Variants in CPN1 observed in about 807,000 individuals in gnomAD.
The protein encoded by CPN1 is carboxypeptidase N subunit 1, also known as carboxypeptidase N catalytic chain.
CPN1 carries 37 observed loss-of-function variants against 46.4 expected under a neutral mutation model. That is an observed-to-expected ratio of 0.80 (90% CI 0.61 to 1.05). The LOEUF (loss-of-function observed/expected upper bound fraction) is 1.05. Among genes scored for constraint, CPN1 ranks in the 50% least tolerant of loss-of-function variants. The pLI is 0.00. For synonymous variants in CPN1, 224 were observed against 235.4 expected, an observed-to-expected ratio of 0.95 and a Z score of 0.44; for missense variants, 563 against 602.6, an observed-to-expected ratio of 0.93 and a Z score of 0.69.
intron 5 of CPN1, among the ~76,000 whole-genome samples, chr10:100,058,829 T>G (rs1484863070): frequency 6.6e-6 from 1 of 152,178 alleles, no homozygotes; most frequent in Non-Finnish European, 1.5e-5. Context: ...AATGTGGTAC[T>G]GGTGTAAAGA....
At chr10:100,069,266 G>A (rs887271851) in intron 3 of CPN1, among the ~76,000 whole-genome samples, 3 of 152,110 alleles carry the variant, frequency 2.0e-5, no homozygotes, top group African/African-American at 2.4e-5. Context: ...GGCAGATCAC[G>A]AAGTCAGGAG....
At chr10:100,051,776 G>A (rs573438301) in intron 7 of CPN1, among the ~76,000 whole-genome samples, 51 of 152,120 alleles carry the variant, frequency 3.4e-4, no homozygotes, top group African/African-American at 1.1e-3. Flanking sequence ...TGATCCACCC[G>A]CCTTGGCCTC....
chr10:100,081,823 C>T lies in CPN1; in HGVS notation c.-198G>A. ...TCTGGAATAGCCACTCATCTCTCCTCCCTCACTCCCTTTCTTTCTCTAATC... is the reference window on the plus strand; with the variant it reads ...TCTGGAATAGCCACTCATCTCTCCTTCCTCACTCCCTTTCTTTCTCTAATC... On this transcript the variant is annotated 5_prime_UTR_variant, in exon 1 of 9. Transcript: ENST00000370418. The T allele has an allele frequency of 4.9e-6, 3 of 608,216 alleles. No individual in the cohort carries two copies. The highest frequency in any genetic ancestry group is 1.8e-5 in the African/African-American group (1 of 54,732). 37.7% of individuals were successfully genotyped at this position (608,216 alleles called of 1,614,324 possible).
At chr10:100,047,979 C>A (rs777692555) in intron 8 of CPN1, among the ~76,000 whole-genome samples, 4 of 151,658 alleles carry the variant, frequency 2.6e-5, no homozygotes, top group Non-Finnish European at 4.4e-5. Context: ...GCAACAAGAG[C>A]GAAACCCCCT....
At chr10:100,074,510 G>A (rs1192856934) in intron 2 of CPN1, among the ~76,000 whole-genome samples, 2 of 152,148 alleles carry the variant, frequency 1.3e-5, no homozygotes, top group Non-Finnish European at 2.9e-5. Flanking sequence ...CCGCCTCCTG[G>A]GTTCAAGCAA....
At chr10:100,043,377 AGAGT>A (rs1166334985) in intron 8 of CPN1, among the ~76,000 whole-genome samples, 1 of 150,924 alleles carries the variant, frequency 6.6e-6, no homozygotes, top group Non-Finnish European at 1.5e-5. Flanking sequence ...CCTGGGTGAC[AGAGT>A]GAGATTCCAT....
chr10:100,046,703 G>A (rs755194437), intron 8 of CPN1, among the ~76,000 whole-genome samples: 10 of 147,048 alleles, frequency 6.8e-5, no homozygotes, highest in Non-Finnish European at 1.4e-4. Flanking sequence ...AACCCGGGAG[G>A]CGGAGGTTGC....
intron 4 of CPN1, 25 bp downstream of exon 4, chr10:100,065,163 C>T (rs1356525280): frequency 5.0e-6 from 8 of 1,603,236 alleles, no homozygotes; most frequent in East Asian, 4.5e-5. Context: ...GTTCCCCTGG[C>T]GGGACAAGCT....
intron 3 of CPN1, among the ~76,000 whole-genome samples, chr10:100,068,415 A>G (rs1051777963): frequency 6.6e-6 from 1 of 151,876 alleles, no homozygotes; most frequent in Admixed American, 6.5e-5. Context: ...GGGTTTCACC[A>G]TGTTAGCCAG....
At chr10:100,075,133 T>C (rs528552116) in intron 2 of CPN1, among the ~76,000 whole-genome samples, 34 of 152,050 alleles carry the variant, frequency 2.2e-4, no homozygotes, top group African/African-American at 8.2e-4. Flanking sequence ...CTACTAAAAC[T>C]ACAAAAAATT....
intron 4 of CPN1, among the ~76,000 whole-genome samples, chr10:100,064,734 T>C (rs2041443039): frequency 1.3e-5 from 2 of 152,146 alleles, no homozygotes; most frequent in Non-Finnish European, 2.9e-5. Flanking sequence ...ATAAAATTAA[T>C]GTTAACATAT....
intron 5 of CPN1, among the ~76,000 whole-genome samples, chr10:100,059,266 A>G (rs2041403611): frequency 6.6e-6 from 1 of 152,182 alleles, no homozygotes; most frequent in Non-Finnish European, 1.5e-5. Context: ...ACAGAATCAA[A>G]CTGACCAACA....
chr10:100,072,610 T>C (rs2041492276), intron 2 of CPN1, among the ~76,000 whole-genome samples: 1 of 152,256 alleles, frequency 6.6e-6, no homozygotes, highest in Non-Finnish European at 1.5e-5. Context: ...CCTTAATTTC[T>C]CTGTCCATAT....
chr10:100,048,658 C>T, intron 8 of CPN1, 100 bp downstream of exon 8: 1 of 888,732 alleles, frequency 1.1e-6, no homozygotes, highest in Non-Finnish European at 1.9e-6. Context: ...ACAGTGGTGC[C>T]ACTGCACTCC....
At chr10:100,075,164 G>A (rs11599683) in intron 2 of CPN1, among the ~76,000 whole-genome samples, 38,887 of 151,908 alleles carry the variant, frequency 0.26, 6,199 homozygotes, top group Non-Finnish European at 0.36. Flanking sequence ...GGTGGCGCAC[G>A]CCTGTAGACC....
chr10:100,054,574 T>C (rs74152959), intron 6 of CPN1, 128 bp from the exon 7 acceptor site: 3 of 750,366 alleles, frequency 4.0e-6, no homozygotes, highest in Non-Finnish European at 4.6e-6. Context: ...TAATAGTCCC[T>C]TAACTGGTCT....
At chr10:100,046,311 T>C (rs940173818) in intron 8 of CPN1, among the ~76,000 whole-genome samples, 2 of 152,186 alleles carry the variant, frequency 1.3e-5, no homozygotes, top group Admixed American at 6.5e-5. Context: ...TTTAGGCCGA[T>C]CACAGTCTAG....
intron 8 of CPN1, among the ~76,000 whole-genome samples, chr10:100,043,834 T>C (rs2041292833): frequency 6.6e-6 from 1 of 151,986 alleles, no homozygotes. Flanking sequence ...GAAATTTCCA[T>C]GTGTGTTAAT....
Position 100,057,100 on chromosome 10 carries a change from T to A in CPN1, c.924A>T (p.Glu308Asp). ...CGGGGGGAAACTTGTCGCAACTCAGTTCCAGCGTGATCTCAAAGCAGTTGG... is the reference window on the plus strand; with the variant it reads ...CGGGGGGAAACTTGTCGCAACTCAGATCCAGCGTGATCTCAAAGCAGTTGG... ...LHTNCFEITL[E>D]LSCDKFPPEE... is the part of the protein sequence containing the mutation. The change falls in exon 6 of 9, where the codon GAA (glutamate) becomes GAT (aspartate). Residue 308 changes from glutamate (E) to aspartate (D), a missense_variant. Transcript: ENST00000370418. The A allele has an allele frequency of 1.2e-6, 2 of 1,614,158 alleles. No homozygotes were observed. The highest frequency in any genetic ancestry group is 1.7e-6 in the Non-Finnish European group (2 of 1,180,034).
Sources: allele counts gnomAD v4.1 joint callset (sites outside exome capture counted in the v4.1 genomes callset), GRCh38; gene constraint gnomAD v4.1.1; transcripts MANE v1.5; gene names NCBI Gene and HGNC (gene_info 2026-07-23, HGNC 2026-07-21).